The following HCAR1 variants were observed in gnomAD, a reference collection of about 807,000 sequenced individuals.
HCAR1 encodes the protein hydroxycarboxylic acid receptor 1, also known as G protein-coupled receptor 104.
For synonymous variants in HCAR1, 183 were observed against 182.1 expected, an observed-to-expected ratio of 1.01 and a Z score of -0.04; for missense variants, 445 against 448.7, an observed-to-expected ratio of 0.99 and a Z score of 0.07.
chr12:122,730,019 C>G lies in HCAR1; in HGVS notation c.321G>C (p.Thr107=). The G allele has an allele frequency of 6.2e-7, 1 of 1,613,938 alleles. No homozygotes were observed. The highest frequency in any genetic ancestry group is 1.7e-5 in the Admixed American group (1 of 60,020). ...MNRAGSIVFL[T]VVAADRYFKV... ...TGAAATACCTGTCCGCAGCCACCAC[C>G]GTAAGGAACACGATGCTCCCGGCCC... The change falls in exon 1 of 1, where the codon ACG becomes ACC. Residue 107 remains threonine, a synonymous_variant. Transcript: ENST00000432564.
In HCAR1 at chr12:122,730,248, A is replaced by G. The variant is rs1177458447; in HGVS notation, c.92T>C (p.Leu31Pro). 1 of 1,613,384 alleles carries G rather than the reference A, an allele frequency of 6.2e-7. No individual in the cohort carries two copies. Among genetic ancestry groups the G allele is most frequent in the Non-Finnish European group, 8.5e-7 (1 of 1,179,524 alleles). ...ACCACACAGGGCGACCCCATTGCCT[A>G]GTGCGCCCAGCACAAAGGCCACAAT... ...LLIVAFVLGA[L>P]GNGVALCGFC... is the part of the protein sequence containing the mutation. The change falls in exon 1 of 1, where the codon CTA becomes CCA. Residue 31 changes from leucine (L) to proline (P), a missense_variant. Leu to Pro is a moderately conservative substitution (Grantham distance 98). Coordinates refer to ENST00000432564, the MANE Select transcript of HCAR1 (RefSeq NM_032554.4).
At position 122,729,467 on chromosome 12, in the gene HCAR1, C is replaced by T. The variant is rs961614433; in HGVS notation, c.873G>A (p.Lys291=). The T allele has an allele frequency of 3.1e-6, 5 of 1,614,012 alleles. No individual in the cohort carries two copies. The highest frequency in any genetic ancestry group is 4.2e-6 in the Non-Finnish European group (5 of 1,180,014). ...SSPSFPKFYN[K]LKICSLKPKQ... Reference sequence around the variant, plus strand: ...TGGGTTTCAGACTGCAGATTTTGAGCTTGTTGTAGAATTTGGGAAAGGAGG... The same window carrying T: ...TGGGTTTCAGACTGCAGATTTTGAGTTTGTTGTAGAATTTGGGAAAGGAGG... Residue 291 remains lysine (K), a synonymous_variant, in exon 1 of 1, where the codon AAG becomes AAA. Coordinates refer to ENST00000432564, the MANE Select transcript of HCAR1 (RefSeq NM_032554.4).
Position 122,729,570 on chromosome 12 carries a change from T to A in HCAR1, c.770A>T (p.His257Leu), listed in dbSNP as rs141008238. Residue 257 changes from histidine to leucine, a missense_variant, in exon 1 of 1, where the codon CAT (histidine) becomes CTT (leucine). By Grantham distance (99) the His-to-Leu change is moderately conservative. Transcript: ENST00000432564. ...GCTGAGGGTTATGTGCAGGGCCCCA[T>A]GGACAGAGGGATCGCAGGCACTCGA... ...VPSSACDPSVHGALHITLSFT... is the reference protein window; with the variant it reads ...VPSSACDPSVLGALHITLSFT... 5 of 1,614,060 alleles carry A rather than the reference T, an allele frequency of 3.1e-6. No individual in the cohort carries two copies. The highest frequency in any genetic ancestry group is 4.2e-6 in the Non-Finnish European group (5 of 1,180,014).
rs1877874616 is a variant in HCAR1, at chr12:122,729,421, T to C, written c.919A>G (p.Thr307Ala). 1 of 1,613,964 alleles carries C rather than the reference T, an allele frequency of 6.2e-7. No homozygotes were observed. Among genetic ancestry groups the C allele is most frequent in the Admixed American group, 1.7e-5 (1 of 59,966 alleles). ...LKPKQPGHSK[T>A]QRPEEMPISN... The stretch of plus-strand genomic sequence containing the variant: ...ATTGGCATCTCTTCCGGCCTTTGTG[T>C]TTTTGAGTGTCCTGGCTGCTTGGGT... The change falls in exon 1 of 1, where the codon ACA becomes GCA. Residue 307 changes from threonine (T) to alanine (A), a missense_variant. Coordinates refer to ENST00000432564, the MANE Select transcript of HCAR1 (RefSeq NM_032554.4).
Position 122,727,469 on chromosome 12 carries a change from GTTC to G in HCAR1, c.*1827_*1829del, listed in dbSNP as rs1877822056. ...GGCCAAAGAACTAGAAGTTGGCAAA[GTTC>G]TTTTTTTTTTTTGAGACGGCGTTTC... On this transcript the variant is annotated 3_prime_UTR_variant, in exon 1 of 1. Coordinates refer to ENST00000432564, the MANE Select transcript of HCAR1 (RefSeq NM_032554.4). The G allele has an allele frequency of 7.2e-6, 1 of 139,026 alleles. No individual in the cohort carries two copies. The highest frequency in any genetic ancestry group is 7.1e-5 in the Admixed American group (1 of 14,026). 8.6% of individuals were successfully genotyped at this position (139,026 alleles called of 1,614,324 possible).
At position 122,730,713 on chromosome 12, in the gene HCAR1, G is replaced by C. The variant is rs548053221; in HGVS notation, c.-374C>G. 1 of 185,606 alleles carries C rather than the reference G, an allele frequency of 5.4e-6. No individual in the cohort carries two copies. The highest frequency in any genetic ancestry group is 1.4e-4 in the East Asian group (1 of 7,114). 11.5% of individuals were successfully genotyped at this position (185,606 alleles called of 1,614,324 possible). A position where few individuals can be genotyped will look rare whatever the true frequency, so the allele number is the denominator to read the frequency against. Reference sequence around the variant, plus strand: ...TGCCGTAGAGGAGCGATTGGGTCCAGCGCCAGAGTAATTTTCATTTTCAGC... The same window carrying C: ...TGCCGTAGAGGAGCGATTGGGTCCACCGCCAGAGTAATTTTCATTTTCAGC... On this transcript the variant is annotated 5_prime_UTR_variant, in exon 1 of 1. Transcript: ENST00000432564.
Position 122,729,914 on chromosome 12 carries a change from C to G in HCAR1, c.426G>C (p.Leu142=), listed in dbSNP as rs1222154128. Residue 142 remains leucine (L), a synonymous_variant, in exon 1 of 1, where the codon CTG becomes CTC. Transcript: ENST00000432564. ...AAGIVCTLWA[L]VILGTVYLLL... is the part of the protein sequence containing the mutation. ...AAAGATACACTGTTCCCAGGATGAC[C>G]AGGGCCCACAGGGTGCAGACGATGC... 1 of 1,612,284 alleles carries G rather than the reference C, an allele frequency of 6.2e-7. No homozygotes were observed. Among genetic ancestry groups the G allele is most frequent in the Non-Finnish European group, 8.5e-7 (1 of 1,178,786 alleles).
chr12:122,729,748 T>C lies in HCAR1; in HGVS notation c.592A>G (p.Lys198Glu). The C allele has an allele frequency of 1.2e-6, 2 of 1,612,970 alleles. No homozygotes were observed. The highest frequency in any genetic ancestry group is 1.7e-6 in the Non-Finnish European group (2 of 1,180,004). ...PLGIILFCSF[K>E]IVWSLRRRQQ... ...CTCCGCCTCAGGCTCCAAACAATCT[T>C]GAAGGAGCAAAATAAGATGATGCCG... Residue 198 changes from lysine to glutamate, a missense_variant, in exon 1 of 1, where the codon AAG becomes GAG. By Grantham distance (56) the Lys-to-Glu change is moderately conservative. Transcript: ENST00000432564.
rs1337102436 is a variant in HCAR1, at chr12:122,726,972, T to C, written c.*2327A>G. Reference sequence around the variant, plus strand: ...AGATAGATATCTATATATCTCTATATATATCTATATATATGCCAGGCTGGG... The same window carrying C: ...AGATAGATATCTATATATCTCTATACATATCTATATATATGCCAGGCTGGG... On this transcript the variant is annotated 3_prime_UTR_variant, in exon 1 of 1. Transcript: ENST00000432564. 1 of 149,916 alleles carries C rather than the reference T, an allele frequency of 6.7e-6. No homozygotes were observed. Among genetic ancestry groups the C allele is most frequent in the Non-Finnish European group, 1.5e-5 (1 of 67,650 alleles). The allele number at this position is 149,916 out of a possible 1,614,324, so 9.3% of individuals were successfully genotyped here. A position where few individuals can be genotyped will look rare whatever the true frequency, so the allele number is the denominator to read the frequency against.
In HCAR1 at chr12:122,729,643, A is replaced by G. The variant is rs138206647; in HGVS notation, c.697T>C (p.Tyr233His). The change falls in exon 1 of 1, where the codon TAC becomes CAC. Residue 233 changes from tyrosine to histidine, a missense_variant. By Grantham distance (83) the Tyr-to-His change is moderately conservative. Transcript: ENST00000432564. Reference protein sequence around the residue: ...MVVAIVFITCYLPSVSARLYF... With the variant: ...MVVAIVFITCHLPSVSARLYF... Reference sequence around the variant, plus strand: ...AGTCTAGCAGACACGCTGGGCAGGTAGCATGTGATGAACACAATTGCCACC... The same window carrying G: ...AGTCTAGCAGACACGCTGGGCAGGTGGCATGTGATGAACACAATTGCCACC... 7 of 1,614,052 alleles carry G rather than the reference A, an allele frequency of 4.3e-6. No individual in the cohort carries two copies. Among genetic ancestry groups the G allele is most frequent in the Non-Finnish European group, 5.9e-6 (7 of 1,180,024 alleles).
Position 122,730,193 on chromosome 12 carries a change from G to C in HCAR1, c.147C>G (p.Pro49=). The change falls in exon 1 of 1, where the codon CCC becomes CCG. Residue 49 remains proline (P), a synonymous_variant. Transcript: ENST00000432564. Reference sequence around the variant, plus strand: ...CCAAATTGAAAAGGTAAACAGTGCTGGGCTTCCAGGTCTTCATGTGGAAGC... The same window carrying C: ...CCAAATTGAAAAGGTAAACAGTGCTCGGCTTCCAGGTCTTCATGTGGAAGC... ...GFCFHMKTWK[P]STVYLFNLAV... 6.2e-7 allele frequency: 1 copy of C among 1,614,136 alleles called. No homozygotes were observed. Among genetic ancestry groups the C allele is most frequent in the Non-Finnish European group, 8.5e-7 (1 of 1,180,030 alleles).
Position 122,730,264 on chromosome 12 carries a change from A to G in HCAR1, c.76T>C (p.Phe26Leu). Reference protein sequence around the residue: ...QVMPPLLIVAFVLGALGNGVA... With the variant: ...QVMPPLLIVALVLGALGNGVA... ...CCATTGCCTAGTGCGCCCAGCACAAAGGCCACAATGAGCAGCGGCGGCATC... is the reference window on the plus strand; with the variant it reads ...CCATTGCCTAGTGCGCCCAGCACAAGGGCCACAATGAGCAGCGGCGGCATC... Residue 26 changes from phenylalanine to leucine, a missense_variant, in exon 1 of 1, where the codon TTT becomes CTT. Transcript: ENST00000432564. The G allele has an allele frequency of 6.2e-7, 1 of 1,611,082 alleles. No individual in the cohort carries two copies. Among genetic ancestry groups the G allele is most frequent in the Admixed American group, 1.7e-5 (1 of 59,606 alleles).
At position 122,730,310 on chromosome 12, in the gene HCAR1, C is replaced by T. The variant is rs1396499985; in HGVS notation, c.30G>A (p.Glu10=). 3 of 1,591,800 alleles carry T rather than the reference C, an allele frequency of 1.9e-6. No individual in the cohort carries two copies. The highest frequency in any genetic ancestry group is 2.6e-6 in the Non-Finnish European group (3 of 1,166,230). The change falls in exon 1 of 1, where the codon GAG becomes GAA. Residue 10 remains glutamate, a synonymous_variant. Coordinates refer to ENST00000432564, the MANE Select transcript of HCAR1 (RefSeq NM_032554.4). MYNGSCCRI[E]GDTISQVMPP... Reference sequence around the variant, plus strand: ...GCATCACCTGGGAGATGGTGTCCCCCTCGATGCGGCAGCACGACCCGTTGT... The same window carrying T: ...GCATCACCTGGGAGATGGTGTCCCCTTCGATGCGGCAGCACGACCCGTTGT...
Position 122,729,741 on chromosome 12 carries a change from A to G in HCAR1, c.599T>C (p.Val200Ala), listed in dbSNP as rs1297248712. 7 of 1,613,138 alleles carry G rather than the reference A, an allele frequency of 4.3e-6. No homozygotes were observed. The highest frequency in any genetic ancestry group is 5.9e-6 in the Non-Finnish European group (7 of 1,180,012). The change falls in exon 1 of 1, where the codon GTT becomes GCT. Residue 200 changes from valine to alanine, a missense_variant. Transcript: ENST00000432564. ...CTGCTGCCTCCGCCTCAGGCTCCAA[A>G]CAATCTTGAAGGAGCAAAATAAGAT... ...GIILFCSFKI[V>A]WSLRRRQQLA...
Position 122,730,191 on chromosome 12 carries a change from C to T in HCAR1, c.149G>A (p.Ser50Asn), listed in dbSNP as rs779678460. Reference sequence around the variant, plus strand: ...GGCCAAATTGAAAAGGTAAACAGTGCTGGGCTTCCAGGTCTTCATGTGGAA... The same window carrying T: ...GGCCAAATTGAAAAGGTAAACAGTGTTGGGCTTCCAGGTCTTCATGTGGAA... ...FCFHMKTWKP[S>N]TVYLFNLAVA... Residue 50 changes from serine (S) to asparagine (N), a missense_variant, in exon 1 of 1, where the codon AGC becomes AAC. Ser to Asn is a conservative substitution (Grantham distance 46). Transcript: ENST00000432564. 2 of 1,614,208 alleles carry T rather than the reference C, an allele frequency of 1.2e-6. No individual in the cohort carries two copies. The highest frequency in any genetic ancestry group is 2.2e-5 in the East Asian group (1 of 44,894).
In HCAR1 at chr12:122,726,571, TC is replaced by T. The variant is rs980715339; in HGVS notation, c.*2727del. The T allele has an allele frequency of 7.9e-5, 12 of 152,230 alleles. No individual in the cohort carries two copies. The highest frequency in any genetic ancestry group is 2.9e-4 in the African/African-American group (12 of 41,534). 9.4% of individuals were successfully genotyped at this position (152,230 alleles called of 1,614,324 possible). A position where few individuals can be genotyped will look rare whatever the true frequency, so the allele number is the denominator to read the frequency against. On this transcript the variant is annotated 3_prime_UTR_variant, in exon 1 of 1. Coordinates refer to ENST00000432564, the MANE Select transcript of HCAR1 (RefSeq NM_032554.4). ...GACACACTGAGGTTGTATTACAGTA[TC>T]CCTGTTTGACAGACGAGGAAAATGA...
Position 122,729,537 on chromosome 12 carries a change from T to C in HCAR1, c.803A>G (p.Tyr268Cys). 1 of 1,614,032 alleles carries C rather than the reference T, an allele frequency of 6.2e-7. No individual in the cohort carries two copies. The highest frequency in any genetic ancestry group is 2.2e-5 in the East Asian group (1 of 44,870). ...GALHITLSFT[Y>C]MNSMLDPLVY... ...CAGGGGATCCAGCATGCTGTTCATG[T>C]AGGTGAAGCTGAGGGTTATGTGCAG... The change falls in exon 1 of 1, where the codon TAC becomes TGC. Residue 268 changes from tyrosine to cysteine, a missense_variant. Transcript: ENST00000432564.
rs570835254 is a variant in HCAR1 at position 122,729,480 on chromosome 12, T to C, written c.860A>G (p.Lys287Arg). 8 of 1,614,024 alleles carry C rather than the reference T, an allele frequency of 5.0e-6. No individual in the cohort carries two copies. The highest frequency in any genetic ancestry group is 1.7e-5 in the Admixed American group (1 of 59,984). Residue 287 changes from lysine (K) to arginine (R), a missense_variant, in exon 1 of 1, where the codon AAA becomes AGA. By Grantham distance (26) the Lys-to-Arg change is conservative (BLOSUM62 2). Transcript: ENST00000432564. Reference sequence around the variant, plus strand: ...GCAGATTTTGAGCTTGTTGTAGAATTTGGGAAAGGAGGGGCTTGAAAAATA... The same window carrying C: ...GCAGATTTTGAGCTTGTTGTAGAATCTGGGAAAGGAGGGGCTTGAAAAATA... The part of the protein sequence containing the change: ...VYYFSSPSFP[K>R]FYNKLKICSL...
At position 122,729,370 on chromosome 12, in the gene HCAR1, T is replaced by C. The variant is rs1393847933; in HGVS notation, c.970A>G (p.Ile324Val). 1 of 1,614,056 alleles carries C rather than the reference T, an allele frequency of 6.2e-7. No individual in the cohort carries two copies. Among genetic ancestry groups the C allele is most frequent in the African/African-American group, 1.3e-5 (1 of 74,916 alleles). The change falls in exon 1 of 1, where the codon ATC becomes GTC. Residue 324 changes from isoleucine (I) to valine (V), a missense_variant. Physicochemically the swap from Ile to Val is conservative, Grantham distance 29 (BLOSUM62 3). Coordinates refer to ENST00000432564, the MANE Select transcript of HCAR1 (RefSeq NM_032554.4). The stretch of plus-strand genomic sequence containing the variant: ...CTTTGGAAACTATTTGCCACACTGA[T>C]GCAACTCCTGCGACCGAGGTTCGAA... ...PISNLGRRSC[I>V]SVANSFQSQS... is the part of the protein sequence containing the mutation.
Sources: allele counts gnomAD v4.1 joint callset, GRCh38; gene constraint gnomAD v4.1.1; transcripts MANE v1.5; gene names NCBI Gene and HGNC (gene_info 2026-07-23, HGNC 2026-07-21).